Variants in TTC28 observed in about 807,000 individuals in gnomAD.
TTC28 encodes tetratricopeptide repeat domain 28.
Under a neutral mutation model 198.0 loss-of-function variants are expected in TTC28, and 61 were observed. The ratio of observed to expected loss-of-function variants is 0.31; its 90% CI spans 0.25 to 0.38. The LOEUF is 0.38. TTC28 is among the 10% of genes least tolerant of loss of function. TTC28 has a pLI of 1.00. For missense variants in TTC28, 2,678 were observed against 3,164.0 expected (o/e 0.85, Z 3.69); for synonymous variants, 1,171 against 1,297.8 (o/e 0.90, Z 2.10).
chr22:28,501,834 G>A (rs189939701), intron 2 of TTC28, among the ~76,000 whole-genome samples: 16 of 152,154 alleles, frequency 1.1e-4, no homozygotes, highest in Admixed American at 1.0e-3. Context: ...ACATAATTAT[G>A]CAATGTTGGA....
chr22:28,670,104 G>C (rs1057277680), intron 1 of TTC28, among the ~76,000 whole-genome samples: 3 of 147,104 alleles, frequency 2.0e-5, no homozygotes, highest in African/African-American at 7.5e-5. Flanking sequence ...AAAATGGGGG[G>C]GGGGCAAATA....
intron 2 of TTC28, among the ~76,000 whole-genome samples, chr22:28,383,001 T>G (rs930998628): frequency 6.6e-6 from 1 of 152,188 alleles, no homozygotes; most frequent in Non-Finnish European, 1.5e-5. Flanking sequence ...TCATCTTACT[T>G]GACCTATCAT....
chr22:27,995,421 A>G (rs898889628), intron 17 of TTC28, among the ~76,000 whole-genome samples: 1 of 152,180 alleles, frequency 6.6e-6, no homozygotes, highest in African/African-American at 2.4e-5. Context: ...AAATGATTTG[A>G]AACGGCCTTC....
intron 16 of TTC28, chr22:27,997,693 T>A (rs1937577032): frequency 6.6e-6 from 1 of 152,250 alleles, no homozygotes; most frequent in Non-Finnish European, 1.5e-5. Flanking sequence ...CCTGGGGAGT[T>A]TCAGGGGCCA....
At chr22:28,325,172 A>C (rs1177116179) in intron 2 of TTC28, among the ~76,000 whole-genome samples, 2 of 151,760 alleles carry the variant, frequency 1.3e-5, no homozygotes, top group Non-Finnish European at 2.9e-5. Context: ...TGGTGTATTC[A>C]GGGATTCAAC....
chr22:28,107,407 G>A lies in TTC28; in HGVS notation c.2438C>T (p.Ala813Val), dbSNP rs1254125945. The A allele has an allele frequency of 5.8e-6, 9 of 1,551,692 alleles. No homozygotes were observed. Among genetic ancestry groups the A allele is most frequent in the Non-Finnish European group, 7.8e-6 (9 of 1,147,036 alleles). The change falls in exon 7 of 23, where the codon GCA (alanine) becomes GTA (valine). Residue 813 changes from alanine to valine, a missense_variant. Ala to Val is a moderately conservative substitution (Grantham distance 64). This residue lies in a region of TTC28 where 775 missense variants were observed against 845.9 expected (regional missense o/e 0.92). Coordinates refer to ENST00000397906, the MANE Select transcript of TTC28 (RefSeq NM_001145418.2). ...CAGTTGCTCTTCATAACACTTGAAT[G>A]CCATTGTGTATTTCCCAAGGGCCAT... ...VYMALGKYTM[A>V]FKCYEEQLDL...
intron 2 of TTC28, among the ~76,000 whole-genome samples, chr22:28,385,144 A>T (rs1417717550): frequency 6.6e-6 from 1 of 151,514 alleles, no homozygotes; most frequent in Non-Finnish European, 1.5e-5. Flanking sequence ...TCCGTCAAAA[A>T]AAAAAAAAAA....
At chr22:28,088,814 C>G (rs937687084) in intron 12 of TTC28, among the ~76,000 whole-genome samples, 3 of 152,120 alleles carry the variant, frequency 2.0e-5, no homozygotes, top group African/African-American at 7.2e-5. Flanking sequence ...AACAAATTTA[C>G]AAGAAAAAAA....
chr22:27,991,782 T>C (rs1269364948), intron 19 of TTC28, among the ~76,000 whole-genome samples: 1 of 152,196 alleles, frequency 6.6e-6, no homozygotes, highest in Non-Finnish European at 1.5e-5. Flanking sequence ...GCATGGGTAC[T>C]GAGAAGCTCC....
chr22:28,306,708 T>C (rs1569250724), intron 2 of TTC28, 65 bp from the exon 3 acceptor site: 1 of 1,508,502 alleles, frequency 6.6e-7, no homozygotes. Flanking sequence ...GGTGATTCTT[T>C]ACTAGAACAA....
At chr22:28,355,846 C>A (rs2046069698) in intron 2 of TTC28, among the ~76,000 whole-genome samples, 1 of 152,194 alleles carries the variant, frequency 6.6e-6, no homozygotes, top group African/African-American at 2.4e-5. Context: ...GAGTCCAGAA[C>A]AACGAATTGT....
intron 14 of TTC28, chr22:28,006,560 C>T (rs186674000): frequency 4.6e-5 from 7 of 152,318 alleles, no homozygotes; most frequent in Admixed American, 3.9e-4. Context: ...CATCCAGCTC[C>T]GAATTTTAAC....
intron 2 of TTC28, among the ~76,000 whole-genome samples, chr22:28,313,162 G>A (rs2045295337): frequency 1.3e-5 from 2 of 152,124 alleles, no homozygotes; most frequent in South Asian, 2.1e-4. Flanking sequence ...ACTAAACCAG[G>A]AAGAAGTTGA....
In TTC28 at chr22:28,265,249, C is replaced by G. The variant is rs776474608; in HGVS notation, c.933+30949G>C. 4.6e-5 allele frequency among the ~76,000 whole-genome samples: 7 copies of G among 152,288 alleles called. No homozygotes were observed. In the South Asian group the frequency reaches 8.3e-4, roughly 18 times the overall value. ...CTCGATTGTAATTTCAAGCAATTGT[C>G]TTTTGTGGGGTCACGCACACCATGT... On this transcript the variant is annotated intron_variant, in intron 5 of 22. Transcript: ENST00000397906.
chr22:28,014,320 G>A lies in TTC28; in HGVS notation c.4146C>T (p.Pro1382=), dbSNP rs1436365438. ...SPTQDGTSSL[P]RRQSSFAKPP... The stretch of plus-strand genomic sequence containing the variant: ...GCTTGGCAAACGAGCTCTGCCTCCT[G>A]GGAAGAGAGGAGGTCCCGTCCTGGG... Residue 1382 remains proline (P), a synonymous_variant, in exon 14 of 23, where the codon CCC becomes CCT. Transcript: ENST00000397906. 6.4e-7 allele frequency: 1 copy of A among 1,551,636 alleles called. No homozygotes were observed. The highest frequency in any genetic ancestry group is 1.2e-5 in the South Asian group (1 of 84,048).
At chr22:27,995,357 TG>T (rs1229220654) in intron 17 of TTC28, among the ~76,000 whole-genome samples, 1 of 152,170 alleles carries the variant, frequency 6.6e-6, no homozygotes, top group Non-Finnish European at 1.5e-5. Context: ...AGGCTGGCAC[TG>T]GGCTAGGAAG....
intron 2 of TTC28, among the ~76,000 whole-genome samples, chr22:28,397,788 T>G (rs543782773): frequency 6.6e-6 from 1 of 152,338 alleles, no homozygotes; most frequent in Non-Finnish European, 1.5e-5. Flanking sequence ...CCGCATTCTA[T>G]GTTCTTTCTC....
At chr22:28,537,605 TGATA>T (rs1041114401) in intron 2 of TTC28, among the ~76,000 whole-genome samples, 3 of 152,066 alleles carry the variant, frequency 2.0e-5, no homozygotes, top group Non-Finnish European at 4.4e-5. Context: ...CGTAAAAGAT[TGATA>T]GATCAAAATG....
chr22:28,469,141 G>A (rs2048066372), intron 2 of TTC28, among the ~76,000 whole-genome samples: 1 of 152,140 alleles, frequency 6.6e-6, no homozygotes, highest in Non-Finnish European at 1.5e-5. Flanking sequence ...ACCAGGGTTG[G>A]ACACTTGACC....
Sources: allele counts gnomAD v4.1 joint callset (sites outside exome capture counted in the v4.1 genomes callset), GRCh38; gene constraint gnomAD v4.1.1; regional missense constraint gnomAD v4.1.1; transcripts MANE v1.5; gene names NCBI Gene and HGNC (gene_info 2026-07-23, HGNC 2026-07-21).